Variants in WDR17 observed in about 807,000 individuals in gnomAD.
WDR17 encodes WD repeat-containing protein 17.
Under a neutral mutation model 161.7 loss-of-function variants are expected in WDR17, and 143 were observed. The ratio of observed to expected loss-of-function variants is 0.88; its 90% confidence interval spans 0.77 to 1.02. The LOEUF (loss-of-function observed/expected upper bound fraction) is 1.02, where lower values mean the gene tolerates loss of function less well. WDR17 is among the 50% of genes least tolerant of loss of function. WDR17 has a pLI of 0.00. For missense variants in WDR17, 1,469 were observed against 1,520.9 expected (o/e 0.97, Z 0.57); for synonymous variants, 517 against 515.6 (o/e 1.00, Z -0.04).
chr4:176,152,359 G>A (rs1747302722), intron 17 of WDR17, among the ~76,000 whole-genome samples: 2 of 148,250 alleles, frequency 1.3e-5, no homozygotes, highest in Non-Finnish European at 1.5e-5. Flanking sequence ...CACTTTGGGA[G>A]GCCAAGTCGG....
rs74483578 is a variant in WDR17, at chr4:176,154,712, G to A, written c.2461-1367G>A. Among the ~76,000 whole-genome samples, 376 of 152,128 alleles carry A rather than the reference G, an allele frequency of 2.5e-3. 4 individuals carry two copies. Among genetic ancestry groups the A allele is most frequent in the East Asian group, 0.025 (127 of 5,176 alleles). ...TTTTAGGTAACATGATTTTAAATAC[G>A]TAGTATTAAAAATTGCCTGTTTAAA... On this transcript the variant is annotated intron_variant, in intron 17 of 28. Transcript: ENST00000508596.
chr4:176,164,124 A>T (rs1277653073), intron 22 of WDR17, among the ~76,000 whole-genome samples: 2 of 152,166 alleles, frequency 1.3e-5, no homozygotes, highest in East Asian at 3.9e-4. Flanking sequence ...ATACTAATTA[A>T]CACTTCTATA....
chr4:176,074,584 G>A (rs1733714343), intron 1 of WDR17, among the ~76,000 whole-genome samples: 1 of 151,842 alleles, frequency 6.6e-6, no homozygotes, highest in South Asian at 2.1e-4. Flanking sequence ...AGCCTCATGA[G>A]TAGCTGCGAC....
intron 1 of WDR17, among the ~76,000 whole-genome samples, chr4:176,067,509 G>A (rs1028266511): frequency 6.6e-6 from 1 of 152,138 alleles, no homozygotes; most frequent in African/African-American, 2.4e-5. Flanking sequence ...GATATTAATA[G>A]AACTGCTTAA....
chr4:176,080,673 G>A (rs994400536), intron 1 of WDR17, among the ~76,000 whole-genome samples: 2 of 152,056 alleles, frequency 1.3e-5, no homozygotes, highest in Non-Finnish European at 2.9e-5. Flanking sequence ...TCAAATGCAG[G>A]ATGAATACTT....
chr4:176,148,170 A>G lies in WDR17; in HGVS notation c.1732A>G (p.Ile578Val). ...RIWDYTQDAC[I>V]NILNGHTAPV... ...CTGGGATTATACTCAGGATGCTTGC[A>G]TCAATATTCTTAATGGACACACTGC... The change falls in exon 13 of 29, where the codon ATC (isoleucine) becomes GTC (valine). Residue 578 changes from isoleucine (I) to valine (V), a missense_variant. Physicochemically the swap from Ile to Val is conservative, Grantham distance 29. Transcript: ENST00000508596. The G allele has an allele frequency of 1.2e-6, 2 of 1,614,004 alleles. No individual in the cohort carries two copies. Among genetic ancestry groups the G allele is most frequent in the Non-Finnish European group, 1.7e-6 (2 of 1,179,954 alleles).
intron 18 of WDR17, among the ~76,000 whole-genome samples, chr4:176,159,016 C>T (rs1430945325): frequency 6.6e-6 from 1 of 152,144 alleles, no homozygotes; most frequent in Non-Finnish European, 1.5e-5. Context: ...ACTTCGATGA[C>T]TCTATGAAAT....
intron 3 of WDR17, among the ~76,000 whole-genome samples, chr4:176,118,357 A>G (rs934956144): frequency 6.6e-6 from 1 of 152,202 alleles, no homozygotes; most frequent in Non-Finnish European, 1.5e-5. Flanking sequence ...TTTGATCCAT[A>G]CAGAGTACCT....
In WDR17 at chr4:176,179,524, C is replaced by T; in HGVS notation, c.3797C>T (p.Ala1266Val). The T allele has an allele frequency of 1.9e-5, 31 of 1,606,344 alleles. No homozygotes were observed. Among genetic ancestry groups the T allele is most frequent in the Non-Finnish European group, 2.6e-5 (31 of 1,175,778 alleles). The change falls in exon 29 of 29, where the codon GCA becomes GTA. Residue 1266 changes from alanine to valine, a missense_variant. Ala to Val is a moderately conservative substitution (Grantham distance 64). Transcript: ENST00000508596. ...AISLNDALMW[A>V]KVNPFSPLGT... is the part of the protein sequence containing the mutation. ...TCCTTGAATGATGCTTTGATGTGGG[C>T]AAAGGTGAATCCATTCTCACCTTTA...
intron 1 of WDR17, among the ~76,000 whole-genome samples, chr4:176,088,136 C>G (rs1208940289): frequency 6.6e-6 from 1 of 152,016 alleles, no homozygotes; most frequent in African/African-American, 2.4e-5. Flanking sequence ...GAGCCACCAT[C>G]CCTGGCCTTT....
rs1444106017 is a variant in WDR17, at chr4:176,134,994, C to G, written c.1099-114C>G. On this transcript the variant is annotated intron_variant, in intron 7 of 28. Transcript: ENST00000508596. ...TGTTTTTCTTGCCTATATATTTTTG[C>G]ATTAATATTTGGAAAACCGTATACA... The G allele has an allele frequency of 8.9e-6, 9 of 1,012,542 alleles. No homozygotes were observed. The African/African-American group carries it at 1.3e-4, about 15-fold the overall frequency. 62.7% of individuals were successfully genotyped at this position (1,012,542 alleles called of 1,614,324 possible).
At chr4:176,071,781 C>A (rs1284564567) in intron 1 of WDR17, among the ~76,000 whole-genome samples, 1 of 152,158 alleles carries the variant, frequency 6.6e-6, no homozygotes, top group Non-Finnish European at 1.5e-5. Context: ...CTGGGTAAGT[C>A]TAGTTCCAGG....
chr4:176,177,235 C>A, intron 27 of WDR17, 79 bp downstream of exon 27: 1 of 1,275,854 alleles, frequency 7.8e-7, no homozygotes, highest in South Asian at 1.3e-5. Flanking sequence ...TATGTGTGGT[C>A]TCATTAATTT....
At chr4:176,125,064 T>G in intron 4 of WDR17, 40 bp from the exon 5 acceptor site, 1 of 1,601,872 alleles carries the variant, frequency 6.2e-7, no homozygotes, top group Non-Finnish European at 8.5e-7. Flanking sequence ...TGATCTTTTC[T>G]GCAAGTTTTT....
chr4:176,162,793 G>A (rs575697990), intron 21 of WDR17, among the ~76,000 whole-genome samples: 155 of 152,024 alleles, frequency 1.0e-3, no homozygotes, highest in Non-Finnish European at 2.0e-3. Flanking sequence ...GGAAATGATA[G>A]ATAACTATAT....
At chr4:176,129,932 T>C (rs1743086560) in intron 6 of WDR17, among the ~76,000 whole-genome samples, 1 of 151,748 alleles carries the variant, frequency 6.6e-6, no homozygotes, top group South Asian at 2.1e-4. Flanking sequence ...TGCCATGTCA[T>C]GGAATGTCTG....
At chr4:176,152,198 G>A (rs1579200803) in intron 17 of WDR17, among the ~76,000 whole-genome samples, 1 of 149,468 alleles carries the variant, frequency 6.7e-6, no homozygotes, top group African/African-American at 2.5e-5. Context: ...GGGAAGCTAA[G>A]ATGAGAGGAT....
chr4:176,120,936 A>G (rs1462307656), intron 4 of WDR17, among the ~76,000 whole-genome samples: 4 of 152,198 alleles, frequency 2.6e-5, no homozygotes, highest in African/African-American at 9.6e-5. Context: ...TAATGTTTCT[A>G]AAGTTAAAAA....
At position 176,181,063 on chromosome 4, in the gene WDR17, T is replaced by C. The variant is rs967363674; in HGVS notation, c.*1484T>C. Reference sequence around the variant, plus strand: ...TTTAAACTTGTTGCATTTAAAATATTTTTAAAACCTTCTTAACAAAACTTC... The same window carrying C: ...TTTAAACTTGTTGCATTTAAAATATCTTTAAAACCTTCTTAACAAAACTTC... On this transcript the variant is annotated 3_prime_UTR_variant, in exon 29 of 29. Coordinates refer to ENST00000508596, the MANE Select transcript of WDR17 (RefSeq NM_181265.4). The C allele has an allele frequency of 6.6e-6, 1 of 152,202 alleles. No homozygotes were observed. Among genetic ancestry groups the C allele is most frequent in the Admixed American group, 6.5e-5 (1 of 15,274 alleles). 9.4% of individuals were successfully genotyped at this position (152,202 alleles called of 1,614,324 possible).
Sources: gnomAD v4.1 joint callset for allele counts (sites outside exome capture counted in the v4.1 genomes callset) on GRCh38, gnomAD v4.1.1 for gene constraint, MANE v1.5 for transcripts, NCBI Gene and HGNC (gene_info 2026-07-23, HGNC 2026-07-21) for gene names.